The following VAPB variants were observed in gnomAD, a reference collection of about 807,000 sequenced individuals.
The protein encoded by VAPB is VAMP associated protein B and C.
In VAPB, 7 loss-of-function variants were observed where a neutral mutation model predicts 25.6. The ratio of observed to expected loss-of-function variants is 0.27; its 90% CI spans 0.16 to 0.51. The LOEUF is 0.51. VAPB is among the 20% of genes least tolerant of loss of function. The pLI, the probability that VAPB is intolerant of heterozygous loss-of-function variation, is 0.97. For missense variants in VAPB, 266 were observed against 301.3 expected, an observed-to-expected ratio of 0.88 and a Z score of 0.87; for synonymous variants, 112 against 109.2, an observed-to-expected ratio of 1.03 and a Z score of -0.16.
Position 58,447,403 on chromosome 20 carries a change from A to G in VAPB, c.*3168A>G, listed in dbSNP as rs1470016383. ...AGTAATACATACTGATAAAATCAAA[A>G]TTGATTTTTACCAGTGGCCAGTTTA... On this transcript the variant is annotated 3_prime_UTR_variant, in exon 6 of 6. Coordinates refer to ENST00000475243, the MANE Select transcript of VAPB (RefSeq NM_004738.5). 2.2e-6 allele frequency: 1 copy of G among 454,048 alleles called. No homozygotes were observed. Among genetic ancestry groups the G allele is most frequent in the East Asian group, 7.0e-5 (1 of 14,386 alleles). 28.1% of individuals were successfully genotyped at this position (454,048 alleles called of 1,614,324 possible).
chr20:58,429,061 G>A (rs1204180914), intron 2 of VAPB, among the ~76,000 whole-genome samples: 2 of 152,134 alleles, frequency 1.3e-5, no homozygotes, highest in African/African-American at 4.8e-5. Flanking sequence ...TGAGATTGTA[G>A]GCGTGTAAAT....
intron 1 of VAPB, among the ~76,000 whole-genome samples, chr20:58,409,439 A>G (rs1169739168): frequency 1.3e-5 from 2 of 152,200 alleles, no homozygotes; most frequent in East Asian, 3.8e-4. Context: ...TAGAGAGTCT[A>G]CTGTATTGAA....
chr20:58,442,595 C>A (rs1373032483), intron 5 of VAPB, among the ~76,000 whole-genome samples: 1 of 152,186 alleles, frequency 6.6e-6, no homozygotes, highest in Non-Finnish European at 1.5e-5. Flanking sequence ...CTGCCAAACA[C>A]TGCCTTCTTG....
chr20:58,441,616 T>G (rs1391716940), intron 5 of VAPB, among the ~76,000 whole-genome samples: 1 of 152,222 alleles, frequency 6.6e-6, no homozygotes, highest in African/African-American at 2.4e-5. Context: ...CCCTCCAGCC[T>G]GGGTGACAGA....
chr20:58,446,254 A>G lies in VAPB; in HGVS notation c.*2019A>G. 2.2e-6 allele frequency: 1 copy of G among 454,090 alleles called. No individual in the cohort carries two copies. The highest frequency in any genetic ancestry group is 4.4e-6 in the Non-Finnish European group (1 of 226,790). The allele number at this position is 454,090 out of a possible 1,614,324, so 28.1% of individuals were successfully genotyped here. A position where few individuals can be genotyped will look rare whatever the true frequency, so the allele number is the denominator to read the frequency against. On this transcript the variant is annotated 3_prime_UTR_variant, in exon 6 of 6. Coordinates refer to ENST00000475243, the MANE Select transcript of VAPB (RefSeq NM_004738.5). ...AAAGGGAGTGAAAAGACCGAGCTGT[A>G]AGGCATGTGCCTTCTGCCACCTGAC... is the stretch of plus-strand genomic sequence containing the variant.
rs1989328397 is a variant in VAPB, at chr20:58,447,668, GTGCATGT to G, written c.*3434_*3440del. ...ACAGACTCTGTGTGTGTGTGCATGT[GTGCATGT>G]GTGCATGTGTGGCATATGTGCCGTA... On this transcript the variant is annotated 3_prime_UTR_variant, in exon 6 of 6. Coordinates refer to ENST00000475243, the MANE Select transcript of VAPB (RefSeq NM_004738.5). 2.3e-6 allele frequency: 1 copy of G among 434,326 alleles called. No homozygotes were observed. Among genetic ancestry groups the G allele is most frequent in the Non-Finnish European group, 4.6e-6 (1 of 216,096 alleles). The allele number at this position is 434,326 out of a possible 1,614,324, so 26.9% of individuals were successfully genotyped here. A position where few individuals can be genotyped will look rare whatever the true frequency, so the allele number is the denominator to read the frequency against.
At chr20:58,398,895 C>T (rs1988027513) in intron 1 of VAPB, among the ~76,000 whole-genome samples, 1 of 150,468 alleles carries the variant, frequency 6.6e-6, no homozygotes, top group Admixed American at 6.6e-5. Flanking sequence ...TGTGTTTCTT[C>T]CCTTAAAAGA....
intron 3 of VAPB, among the ~76,000 whole-genome samples, chr20:58,435,027 G>A (rs73915880): frequency 0.013 from 2,000 of 152,060 alleles, 49 homozygotes; most frequent in African/African-American, 0.045. Context: ...TTTCTGCCCC[G>A]ACAGAAAAGG....
chr20:58,429,341 G>A (rs756056713), intron 2 of VAPB, among the ~76,000 whole-genome samples: 2 of 152,238 alleles, frequency 1.3e-5, no homozygotes, highest in Non-Finnish European at 2.9e-5. Context: ...CAGAAGGGCT[G>A]TTGGACCTGC....
At position 58,398,342 on chromosome 20, in the gene VAPB, A is replaced by G. The variant is rs191103915; in HGVS notation, c.58+8825A>G. ...GTCTGTACATAAGAGATGATTGTCCAAATTAGAGCTGTTTTGGGTTTCTGC... is the reference window on the plus strand; with the variant it reads ...GTCTGTACATAAGAGATGATTGTCCGAATTAGAGCTGTTTTGGGTTTCTGC... On this transcript the variant is annotated intron_variant, in intron 1 of 5. Coordinates refer to ENST00000475243, the MANE Select transcript of VAPB (RefSeq NM_004738.5). 3.0e-4 allele frequency among the ~76,000 whole-genome samples: 46 copies of G among 152,330 alleles called. No individual in the cohort carries two copies. In the South Asian group the frequency reaches 3.7e-3, roughly 12 times the overall value.
chr20:58,410,708 G>A (rs1988357237), intron 1 of VAPB, among the ~76,000 whole-genome samples: 1 of 152,116 alleles, frequency 6.6e-6, no homozygotes, highest in Non-Finnish European at 1.5e-5. Context: ...ATAGGCGTGA[G>A]CCACCATGCC....
Position 58,418,218 on chromosome 20 carries a change from C to T in VAPB, c.66C>T (p.Phe22=), listed in dbSNP as rs1465571636. The change falls in exon 2 of 6, where the codon TTC becomes TTT. Residue 22 remains phenylalanine, a synonymous_variant. Coordinates refer to ENST00000475243, the MANE Select transcript of VAPB (RefSeq NM_004738.5). The stretch of plus-strand genomic sequence containing the variant: ...CTCTGTCTCATTCTACAGGTCCCTT[C>T]ACCGATGTTGTCACCACCAACCTAA... The part of the protein sequence containing the change: ...PQHELKFRGP[F]TDVVTTNLKL... 4 of 1,614,158 alleles carry T rather than the reference C, an allele frequency of 2.5e-6. No individual in the cohort carries two copies. The highest frequency in any genetic ancestry group is 3.4e-6 in the Non-Finnish European group (4 of 1,180,020).
At chr20:58,393,636 A>G (rs1987866993) in intron 1 of VAPB, among the ~76,000 whole-genome samples, 1 of 152,128 alleles carries the variant, frequency 6.6e-6, no homozygotes. Context: ...CATTCCTTAC[A>G]TCCTAGCCCA....
In VAPB at chr20:58,449,222, C is replaced by T. The variant is rs192369026; in HGVS notation, c.*4987C>T. On this transcript the variant is annotated 3_prime_UTR_variant, in exon 6 of 6. Coordinates refer to ENST00000475243, the MANE Select transcript of VAPB (RefSeq NM_004738.5). Reference sequence around the variant, plus strand: ...AGCCTAGAACATTAGCTGAGCTGCACAAGCTCACCCACCCCTGTGCCAGGG... The same window carrying T: ...AGCCTAGAACATTAGCTGAGCTGCATAAGCTCACCCACCCCTGTGCCAGGG... 7.7e-5 allele frequency: 35 copies of T among 454,152 alleles called. No individual in the cohort carries two copies. Among genetic ancestry groups the T allele is most frequent in the Admixed American group, 6.8e-4 (29 of 42,586 alleles). 28.1% of individuals were successfully genotyped at this position (454,152 alleles called of 1,614,324 possible). A position where few individuals can be genotyped will look rare whatever the true frequency, so the allele number is the denominator to read the frequency against.
At chr20:58,394,804 G>A (rs921863823) in intron 1 of VAPB, among the ~76,000 whole-genome samples, 16 of 152,192 alleles carry the variant, frequency 1.1e-4, no homozygotes, top group African/African-American at 3.6e-4. Flanking sequence ...TTTCCTTAAC[G>A]TGAGTGGTTG....
intron 1 of VAPB, among the ~76,000 whole-genome samples, chr20:58,401,981 G>A (rs944176207): frequency 5.9e-5 from 9 of 151,850 alleles, no homozygotes; most frequent in South Asian, 2.1e-4. Flanking sequence ...ATTTTCTCCC[G>A]CAACTGTAAT....
At chr20:58,391,756 C>G (rs1987804220) in intron 1 of VAPB, among the ~76,000 whole-genome samples, 1 of 152,182 alleles carries the variant, frequency 6.6e-6, no homozygotes, top group African/African-American at 2.4e-5. Context: ...TGGTCTCAAA[C>G]TCCGGACCTC....
In VAPB at chr20:58,445,246, T is replaced by A. The variant is rs1214433266; in HGVS notation, c.*1011T>A. 2.2e-6 allele frequency: 1 copy of A among 454,214 alleles called. No individual in the cohort carries two copies. The highest frequency in any genetic ancestry group is 4.4e-6 in the Non-Finnish European group (1 of 226,786). The allele number at this position is 454,214 out of a possible 1,614,324, so 28.1% of individuals were successfully genotyped here. Reference sequence around the variant, plus strand: ...GAAGAGTAGTCAGTCTTCTAGATTGTTCTTATACCACCTCTCAACCATTAC... The same window carrying A: ...GAAGAGTAGTCAGTCTTCTAGATTGATCTTATACCACCTCTCAACCATTAC... On this transcript the variant is annotated 3_prime_UTR_variant, in exon 6 of 6. Coordinates refer to ENST00000475243, the MANE Select transcript of VAPB (RefSeq NM_004738.5).
chr20:58,445,563 A>T lies in VAPB; in HGVS notation c.*1328A>T, dbSNP rs750635937. 2.2e-6 allele frequency: 1 copy of T among 454,176 alleles called. No homozygotes were observed. The highest frequency in any genetic ancestry group is 1.6e-5 in the South Asian group (1 of 64,394). The allele number at this position is 454,176 out of a possible 1,614,324, so 28.1% of individuals were successfully genotyped here. On this transcript the variant is annotated 3_prime_UTR_variant, in exon 6 of 6. Coordinates refer to ENST00000475243, the MANE Select transcript of VAPB (RefSeq NM_004738.5). ...CCCCAAAATTAAGAATTCTTTTGTC[A>T]TTTTGTCACATTTGCTCTATGGGGG...
Sources: gnomAD v4.1 joint callset for allele counts (sites outside exome capture counted in the v4.1 genomes callset) on GRCh38, gnomAD v4.1.1 for gene constraint, MANE v1.5 for transcripts, NCBI Gene and HGNC (gene_info 2026-07-23, HGNC 2026-07-21) for gene names.